Variants in TEP1 observed in about 807,000 individuals in gnomAD.
The protein encoded by TEP1 is telomerase protein component 1.
TEP1 carries 241 observed loss-of-function variants against 306.3 expected under a neutral mutation model. That is an observed-to-expected ratio of 0.79 (90% confidence interval 0.71 to 0.88). The LOEUF (loss-of-function observed/expected upper bound fraction) is 0.88, where lower values mean the gene tolerates loss of function less well. Among genes scored for constraint, TEP1 ranks in the 40% least tolerant of loss-of-function variants. The pLI is 0.00. For missense variants in TEP1, 3,051 were observed against 3,276.1 expected (o/e 0.93, Z 1.68); for synonymous variants, 1,289 against 1,305.5 (o/e 0.99, Z 0.27).
rs780396884 is a variant in TEP1 at position 20,384,137 on chromosome 14, C to T, written c.3435G>A (p.Arg1145=). 16 of 1,614,030 alleles carry T rather than the reference C, an allele frequency of 9.9e-6. No individual in the cohort carries two copies. Among genetic ancestry groups the T allele is most frequent in the Non-Finnish European group, 1.4e-5 (16 of 1,180,046 alleles). ...QQLQKPPSPA[R]PRLLQDTVQR... The stretch of plus-strand genomic sequence containing the variant: ...GCACTGTGTCCTGAAGAAGGCGTGG[C>T]CGGGCAGGACTCGGTGGCTTCTGCA... The change falls in exon 24 of 55, where the codon CGG becomes CGA. Residue 1145 remains arginine (R), a synonymous_variant. Coordinates refer to ENST00000262715, the MANE Select transcript of TEP1 (RefSeq NM_007110.5).
In TEP1 at chr14:20,373,682, A is replaced by C; in HGVS notation, c.6600T>G (p.Arg2200=). ...ISHCAAAMEP[R]AAGQPGSELL... ...AGGTGGCTGACGTTTTGTTACCTGCACGGGGCTCCATGGCAGCTGCACAGT... is the reference window on the plus strand; with the variant it reads ...AGGTGGCTGACGTTTTGTTACCTGCCCGGGGCTCCATGGCAGCTGCACAGT... The change falls in exon 45 of 55, where the codon CGT becomes CGG. Residue 2200 remains arginine, a synonymous_variant. Transcript: ENST00000262715. 6.2e-7 allele frequency: 1 copy of C among 1,614,182 alleles called. No homozygotes were observed.
chr14:20,412,739 ATCTCTGCCTGCCGAGTTCAAGCGATTC>A (rs1287636936), intron 1 of TEP1, among the ~76,000 whole-genome samples: 1 of 139,434 alleles, frequency 7.2e-6, no homozygotes, highest in Non-Finnish European at 1.5e-5. Flanking sequence ...GCTCACTGCA[ATCTCTGCCTGCCGAGTTCAAGCGATTC>A]TCCTGCCTTA....
chr14:20,377,231 A>C (rs1350919644), intron 41 of TEP1, 49 bp downstream of exon 41: 1 of 1,430,660 alleles, frequency 7.0e-7, no homozygotes, highest in Non-Finnish European at 9.5e-7. Context: ...AAAAAAAAAG[A>C]AAAGAAAAGA....
At chr14:20,400,716 G>C in intron 9 of TEP1, 1 of 419,880 alleles carries the variant, frequency 2.4e-6, no homozygotes. Context: ...TGAGTACAAT[G>C]AGAGAGAAGG....
rs1451461332 is a variant in TEP1, at chr14:20,401,151, G to A, written c.1392-10C>T. The A allele has an allele frequency of 6.2e-7, 1 of 1,613,524 alleles. No homozygotes were observed. Among genetic ancestry groups the A allele is most frequent in the East Asian group, 2.2e-5 (1 of 44,870 alleles). ...TAGGTTGGAGGGGTATCTGAGGATAGGTAAGAAAGAGGTCTATCATTTCAG... is the reference window on the plus strand; with the variant it reads ...TAGGTTGGAGGGGTATCTGAGGATAAGTAAGAAAGAGGTCTATCATTTCAG... On this transcript the variant is annotated splice_polypyrimidine_tract_variant and intron_variant, in intron 8 of 54. Coordinates refer to ENST00000262715, the MANE Select transcript of TEP1 (RefSeq NM_007110.5).
chr14:20,408,588 T>C, intron 1 of TEP1, 125 bp from the exon 2 acceptor site: 1 of 770,532 alleles, frequency 1.3e-6, no homozygotes, highest in Non-Finnish European at 2.0e-6. Context: ...ACAACCAATG[T>C]TGTTTTTCCC....
chr14:20,382,846 C>A, intron 27 of TEP1, 131 bp from the exon 28 acceptor site: 2 of 808,682 alleles, frequency 2.5e-6, no homozygotes, highest in Non-Finnish European at 4.0e-6. Flanking sequence ...TCCATGGCAT[C>A]ATCCCAGGAC....
intron 33 of TEP1, 48 bp downstream of exon 33, chr14:20,380,883 C>T: frequency 6.6e-7 from 1 of 1,508,130 alleles, no homozygotes; most frequent in Non-Finnish European, 9.2e-7. Flanking sequence ...TAAGCACACC[C>T]AGGAGTCCCA....
At chr14:20,409,915 G>A (rs544579496) in intron 1 of TEP1, among the ~76,000 whole-genome samples, 38 of 150,768 alleles carry the variant, frequency 2.5e-4, no homozygotes, top group East Asian at 9.8e-4. Context: ...CCAGCTACTC[G>A]GGAGGCTGAG....
Position 20,373,102 on chromosome 14 carries a change from G to A in TEP1, c.6860C>T (p.Ala2287Val). The change falls in exon 48 of 55, where the codon GCT becomes GTT. Residue 2287 changes from alanine to valine, a missense_variant. By Grantham distance (64) the Ala-to-Val change is moderately conservative. Coordinates refer to ENST00000262715, the MANE Select transcript of TEP1 (RefSeq NM_007110.5). ...TGCCATGGAACCATCTGGTGCCCAA[G>A]CCACAGCAGTGACGGCTGCAGAACT... ...PRSSAAVTAV[A>V]WAPDGSMAVS... 6.2e-7 allele frequency: 1 copy of A among 1,614,212 alleles called. No homozygotes were observed. Among genetic ancestry groups the A allele is most frequent in the Non-Finnish European group, 8.5e-7 (1 of 1,180,020 alleles).
Position 20,378,127 on chromosome 14 carries a change from T to G in TEP1, c.5618A>C (p.Glu1873Ala), listed in dbSNP as rs750318587. ...AGGGAAGGCAGCCAGCCGTGCCCCT[T>G]CTCGCCAGGCCCACAGCTCCACCAT... ...DSMVELWAWR[E>A]GARLAAFPAH... The change falls in exon 39 of 55, where the codon GAA (glutamate) becomes GCA (alanine). Residue 1873 changes from glutamate to alanine, a missense_variant. This residue lies in a region of TEP1 where 1,540 missense variants were observed against 1,705.9 expected (regional missense o/e 0.90). Transcript: ENST00000262715. 2 of 1,613,738 alleles carry G rather than the reference T, an allele frequency of 1.2e-6. No homozygotes were observed. Among genetic ancestry groups the G allele is most frequent in the Non-Finnish European group, 1.7e-6 (2 of 1,179,982 alleles).
chr14:20,387,191 C>T (rs1877252592), intron 18 of TEP1, among the ~76,000 whole-genome samples: 1 of 150,018 alleles, frequency 6.7e-6, no homozygotes, highest in Non-Finnish European at 1.5e-5. Context: ...GCCTCGACCT[C>T]CCAAAGTGCT....
chr14:20,403,851 G>T lies in TEP1; in HGVS notation c.1066C>A (p.Pro356Thr), dbSNP rs759805286. ...LAEGDKNKLV[P>T]LPACLRTAMT... ...GCAGTACGGAGACAGGCGGGCAGGG[G>T]CACCAGCTTATTCTTATCTCCCTCA... The change falls in exon 6 of 55, where the codon CCC (proline) becomes ACC (threonine). Residue 356 changes from proline (P) to threonine (T), a missense_variant. Around this residue, in one of 3 missense-constraint regions of TEP1, gnomAD observed 1,507 missense variants for 1,550.5 expected, o/e 0.97. Transcript: ENST00000262715. The T allele has an allele frequency of 4.3e-6, 7 of 1,614,110 alleles. No individual in the cohort carries two copies. Among genetic ancestry groups the T allele is most frequent in the Non-Finnish European group, 8.5e-7 (1 of 1,180,022 alleles).
intron 1 of TEP1, among the ~76,000 whole-genome samples, chr14:20,413,008 C>T (rs1236640108): frequency 3.0e-5 from 1 of 32,922 alleles, no homozygotes; most frequent in Non-Finnish European, 5.6e-5. Flanking sequence ...CATTTAAGCA[C>T]AGTCTGGGTT....
chr14:20,384,149 C>G lies in TEP1; in HGVS notation c.3423G>C (p.Pro1141=). 1 of 1,614,174 alleles carries G rather than the reference C, an allele frequency of 6.2e-7. No individual in the cohort carries two copies. The highest frequency in any genetic ancestry group is 8.5e-7 in the Non-Finnish European group (1 of 1,180,034). The part of the protein sequence containing the change: ...QATFQQLQKP[P]SPARPRLLQD... ...GAAGAAGGCGTGGCCGGGCAGGACT[C>G]GGTGGCTTCTGCAGCTGCTGGAAGG... The change falls in exon 24 of 55, where the codon CCG becomes CCC. Residue 1141 remains proline, a synonymous_variant. Coordinates refer to ENST00000262715, the MANE Select transcript of TEP1 (RefSeq NM_007110.5).
chr14:20,399,420 CA>C (rs1204571337), intron 9 of TEP1, among the ~76,000 whole-genome samples: 4 of 151,316 alleles, frequency 2.6e-5, no homozygotes, highest in Non-Finnish European at 4.4e-5. Flanking sequence ...AATTTCATTC[CA>C]AAAAAATGTT....
At chr14:20,376,078 C>T in intron 42 of TEP1, 26 bp downstream of exon 42, 1 of 1,609,738 alleles carries the variant, frequency 6.2e-7, no homozygotes, top group Non-Finnish European at 8.5e-7. Context: ...TATGGGACCC[C>T]AGGGTTGCAT....
At chr14:20,397,440 C>T (rs144626723) in intron 9 of TEP1, among the ~76,000 whole-genome samples, 56 of 151,866 alleles carry the variant, frequency 3.7e-4, no homozygotes, top group African/African-American at 1.3e-3. Flanking sequence ...AACCAAAATG[C>T]GAAGGTTGCA....
In TEP1 at chr14:20,371,269, C is replaced by A; in HGVS notation, c.7266G>T (p.Glu2422Asp). ...TGGGCTGCAGGACAAATATGCCATA[C>A]TCCTTGTGGGTGGACAATATCATAG... ...ENPMILSTHK[E>D]YGIFVLQPKD... The change falls in exon 51 of 55, where the codon GAG becomes GAT. Residue 2422 changes from glutamate to aspartate, a missense_variant. Glu to Asp is a conservative substitution (Grantham distance 45, BLOSUM62 2). Around this residue, in one of 3 missense-constraint regions of TEP1, gnomAD observed 1,540 missense variants for 1,705.9 expected, o/e 0.90. Transcript: ENST00000262715. The A allele has an allele frequency of 6.2e-7, 1 of 1,614,204 alleles. No homozygotes were observed. Among genetic ancestry groups the A allele is most frequent in the Non-Finnish European group, 8.5e-7 (1 of 1,180,034 alleles).
Sources: allele counts gnomAD v4.1 joint callset (sites outside exome capture counted in the v4.1 genomes callset), GRCh38; gene constraint gnomAD v4.1.1; regional missense constraint gnomAD v4.1.1; transcripts MANE v1.5; gene names NCBI Gene and HGNC (gene_info 2026-07-23, HGNC 2026-07-21).